The following KDM4B variants were observed in gnomAD, a reference collection of about 807,000 sequenced individuals.
KDM4B encodes lysine-specific demethylase 4B.
A neutral mutation model predicts 125.2 loss-of-function variants in KDM4B; 32 were observed. The observed-to-expected ratio is 0.26, with a 90% confidence interval of 0.19 to 0.34. KDM4B has a LOEUF of 0.34. Among genes scored for constraint, KDM4B ranks in the 10% least tolerant of loss-of-function variants. The pLI is 1.00. For missense variants in KDM4B, 1,190 were observed against 1,577.7 expected, an observed-to-expected ratio of 0.75 and a Z score of 4.16; for synonymous variants, 721 against 677.9, an observed-to-expected ratio of 1.06 and a Z score of -0.99.
intron 9 of KDM4B, among the ~76,000 whole-genome samples, chr19:5,091,923 G>A (rs976036630): frequency 2.0e-5 from 3 of 151,820 alleles, no homozygotes; most frequent in Non-Finnish European, 1.5e-5. Flanking sequence ...GCAAACTGCT[G>A]TGTGAAATAT....
intron 1 of KDM4B, among the ~76,000 whole-genome samples, chr19:4,974,477 G>A (rs761512528): frequency 6.6e-6 from 1 of 151,938 alleles, no homozygotes; most frequent in Admixed American, 6.6e-5. Context: ...GGTGGCTCAC[G>A]CCTGTAATCC....
chr19:5,122,649 C>T (rs1014634138), intron 11 of KDM4B, among the ~76,000 whole-genome samples: 1 of 151,808 alleles, frequency 6.6e-6, no homozygotes, highest in Non-Finnish European at 1.5e-5. Context: ...AGTGAGAAGA[C>T]AAGCCGATAA....
intron 9 of KDM4B, among the ~76,000 whole-genome samples, chr19:5,108,256 C>T (rs1035638153): frequency 3.3e-5 from 5 of 152,248 alleles, no homozygotes; most frequent in Admixed American, 2.6e-4. Flanking sequence ...GTCGGCCTGT[C>T]CAGGAGTCTG....
At chr19:5,126,216 C>T (rs1327683339) in intron 11 of KDM4B, among the ~76,000 whole-genome samples, 2 of 152,142 alleles carry the variant, frequency 1.3e-5, no homozygotes, top group Non-Finnish European at 2.9e-5. Flanking sequence ...GCCTGGGGGG[C>T]GGTTGAGAGG....
In KDM4B at chr19:5,041,179, C is replaced by G. The variant is rs147923352; in HGVS notation, c.360C>G (p.Arg120=). ...ACCAGGACTTTGATGACCTTGAACG[C>G]AAATACTGGAAGAACCTCACCTTTG... is the stretch of plus-strand genomic sequence containing the variant. ...PRHQDFDDLE[R]KYWKNLTFVS... Residue 120 remains arginine (R), a synonymous_variant, in exon 5 of 23, where the codon CGC becomes CGG. Transcript: ENST00000159111. 136 of 1,613,076 alleles carry G rather than the reference C, an allele frequency of 8.4e-5. 1 individual carries two copies. The highest frequency in any genetic ancestry group is 6.6e-4 in the Middle Eastern group (4 of 6,058).
chr19:5,041,917 C>T (rs1322674908), intron 5 of KDM4B, among the ~76,000 whole-genome samples: 1 of 152,214 alleles, frequency 6.6e-6, no homozygotes, highest in African/African-American at 2.4e-5. Flanking sequence ...ACCTTGTCTG[C>T]GCTGTGGCCC....
chr19:5,012,396 C>T (rs1325494322), intron 1 of KDM4B, among the ~76,000 whole-genome samples: 1 of 152,174 alleles, frequency 6.6e-6, no homozygotes, highest in Admixed American at 6.5e-5. Flanking sequence ...CCGCTTCATT[C>T]GGATTGCCTC....
At chr19:5,031,954 T>A (rs1411209658) in intron 2 of KDM4B, among the ~76,000 whole-genome samples, 1 of 152,144 alleles carries the variant, frequency 6.6e-6, no homozygotes, top group Admixed American at 6.5e-5. Flanking sequence ...TTTCTAAGTT[T>A]TTGGGTTTGT....
rs547780872 is a variant in KDM4B at position 5,127,318 on chromosome 19, A to G, written c.1316-3758A>G. ...CCCCAAGGAATGGCCCACAGCAAGG[A>G]CAGAGCCCCGAGGAATGGCTGCGGG... On this transcript the variant is annotated intron_variant, in intron 11 of 22. Transcript: ENST00000159111. Among the ~76,000 whole-genome samples the G allele has an allele frequency of 6.6e-5, 10 of 152,260 alleles. No individual in the cohort carries two copies. In the South Asian group the frequency reaches 2.1e-3, roughly 32 times the overall value.
chr19:4,985,590 C>T (rs1269212421), intron 1 of KDM4B, among the ~76,000 whole-genome samples: 1 of 152,206 alleles, frequency 6.6e-6, no homozygotes, highest in East Asian at 1.9e-4. Flanking sequence ...GCTTGGAGCC[C>T]GAGGGTGGTG....
chr19:5,106,712 A>G (rs6510839), intron 9 of KDM4B, among the ~76,000 whole-genome samples: 11,882 of 152,282 alleles, frequency 0.078, 600 homozygotes, highest in African/African-American at 0.14. Flanking sequence ...GCCCCCTGAC[A>G]TGAGCACTGT....
intron 5 of KDM4B, among the ~76,000 whole-genome samples, chr19:5,046,059 C>G (rs16992771): frequency 1.3e-5 from 2 of 152,002 alleles, no homozygotes; most frequent in Admixed American, 6.5e-5. Context: ...TGATTGTTTT[C>G]AAGTGAAAGT....
At chr19:5,029,654 C>G (rs892476745) in intron 2 of KDM4B, among the ~76,000 whole-genome samples, 1 of 152,058 alleles carries the variant, frequency 6.6e-6, no homozygotes, top group Non-Finnish European at 1.5e-5. Context: ...TGGCAAGACC[C>G]CGTCTCTACA....
At chr19:5,072,984 C>G (rs1010816041) in intron 7 of KDM4B, among the ~76,000 whole-genome samples, 1 of 152,234 alleles carries the variant, frequency 6.6e-6, no homozygotes, top group African/African-American at 2.4e-5. Context: ...GCCTCTGTCT[C>G]TGGTCTCCTC....
At chr19:4,978,145 A>G (rs1568201638) in intron 1 of KDM4B, among the ~76,000 whole-genome samples, 1 of 152,086 alleles carries the variant, frequency 6.6e-6, no homozygotes, top group Non-Finnish European at 1.5e-5. Context: ...TCCCTGCTCT[A>G]TTCCAACTGC....
intron 4 of KDM4B, among the ~76,000 whole-genome samples, chr19:5,040,568 G>A (rs1464576093): frequency 6.6e-6 from 1 of 152,190 alleles, no homozygotes; most frequent in Non-Finnish European, 1.5e-5. Context: ...GGTACACATG[G>A]CACCTGCGTG....
chr19:5,142,743 C>T lies in KDM4B; in HGVS notation c.2551-1224C>T, dbSNP rs1467408929. Among the ~76,000 whole-genome samples the T allele has an allele frequency of 1.3e-5, 2 of 151,940 alleles. No individual in the cohort carries two copies. The highest frequency in any genetic ancestry group is 6.6e-5 in the Admixed American group (1 of 15,246). On this transcript the variant is annotated intron_variant, in intron 18 of 22. Coordinates refer to ENST00000159111, the MANE Select transcript of KDM4B (RefSeq NM_015015.3). The surrounding 1 kb of genome is among the most constrained non-coding windows in gnomAD (Gnocchi z 5.4). ...GGCCGTGCTGGAGTGATGCCTGGCG[C>T]GTGTTGTGTGATGGGAGAATTGGGT...
At chr19:5,026,277 G>A (rs1386844593) in intron 2 of KDM4B, among the ~76,000 whole-genome samples, 5 of 146,300 alleles carry the variant, frequency 3.4e-5, no homozygotes, top group Admixed American at 2.1e-4. Context: ...CTATGTGTGC[G>A]GCCTCCCAAA....
chr19:5,013,641 C>T (rs541826568), intron 1 of KDM4B, among the ~76,000 whole-genome samples: 3 of 152,182 alleles, frequency 2.0e-5, no homozygotes, highest in Non-Finnish European at 2.9e-5. Flanking sequence ...CACAGCGCAG[C>T]GTTTTCCAGG....
Sources: gnomAD v4.1 joint callset for allele counts (sites outside exome capture counted in the v4.1 genomes callset) on GRCh38, gnomAD v4.1.1 for gene constraint, Gnocchi (gnomAD v3.1) non-coding constraint, MANE v1.5 for transcripts, NCBI Gene and HGNC (gene_info 2026-07-23, HGNC 2026-07-21) for gene names.